The following APC2 variants were observed in gnomAD, a reference collection of about 807,000 sequenced individuals.
The protein encoded by APC2 is adenomatous polyposis coli protein 2.
Under a neutral mutation model 72.5 loss-of-function variants are expected in APC2, and 41 were observed. That is an observed-to-expected ratio of 0.57 (90% CI 0.44 to 0.73). The LOEUF (loss-of-function observed/expected upper bound fraction) is 0.73. Ranked by LOEUF, APC2 falls within the 30% of genes least tolerant of loss-of-function variation. The pLI is 0.00. For synonymous variants in APC2, 1,898 were observed against 1,612.0 expected, an observed-to-expected ratio of 1.18 and a Z score of -4.25; for missense variants, 3,729 against 3,403.4, an observed-to-expected ratio of 1.10 and a Z score of -2.38.
At chr19:1,446,342 G>A, upstream of APC2, 1 of 985,340 alleles carries the variant, frequency 1.0e-6, no homozygotes, top group Non-Finnish European at 1.2e-6. This position sits in a 1 kb window ranked among gnomAD's most constrained non-coding sequence, Gnocchi z 6.1. Flanking sequence ...CGGGGACCAG[G>A]TAGGGCGCGT....
Position 1,467,774 on chromosome 19 carries a change from G to A in APC2, c.4473G>A (p.Gly1491=), listed in dbSNP as rs113406504. 3.5e-3 allele frequency: 4,986 copies of A among 1,432,918 alleles called. 153 individuals carry two copies. In the African/African-American group the frequency reaches 0.066, roughly 19 times the overall value. 88.8% of individuals were successfully genotyped at this position (1,432,918 alleles called of 1,614,324 possible). Residue 1491 remains glycine, a synonymous_variant, in exon 15 of 15, where the codon GGG becomes GGA. Coordinates refer to ENST00000590469, the MANE Select transcript of APC2 (RefSeq NM_005883.3). ...AGCCCGGCCGGACCCGCGGGGACGG[G>A]GCGCTCCAGTCGCTGTGCCTCACGA... ...GSKPGRTRGD[G]ALQSLCLTTP...
chr19:1,455,603 T>C (rs939679940), intron 6 of APC2, 103 bp downstream of exon 6: 28 of 1,130,002 alleles, frequency 2.5e-5, no homozygotes, highest in Non-Finnish European at 2.8e-5. Context: ...ATGGGAGGAG[T>C]CTTATGCCTC....
Position 1,467,121 on chromosome 19 carries a change from T to C in APC2, c.3820T>C (p.Cys1274Arg). 6.3e-7 allele frequency: 1 copy of C among 1,595,644 alleles called. No homozygotes were observed. The highest frequency in any genetic ancestry group is 8.5e-7 in the Non-Finnish European group (1 of 1,170,768). ...TVEKPDENFS[C>R]ASSLSALALH... is the part of the protein sequence containing the mutation. ...GGAGAAGCCAGACGAGAACTTCTCG[T>C]GCGCCTCCAGCCTCAGCGCGCTGGC... Residue 1274 changes from cysteine (C) to arginine (R), a missense_variant, in exon 15 of 15, where the codon TGC (cysteine) becomes CGC (arginine). Cys to Arg is a radical substitution (Grantham distance 180). Transcript: ENST00000590469.
chr19:1,449,505 A>G (rs1192281793), upstream of APC2, among the ~76,000 whole-genome samples: 2 of 152,176 alleles, frequency 1.3e-5, no homozygotes, highest in African/African-American at 4.8e-5. Context: ...CAGAGAACAG[A>G]GGGGGAGACA....
rs986526362 is a variant in APC2, at chr19:1,466,208, T to G, written c.2907T>G (p.Leu969=). The change falls in exon 15 of 15, where the codon CTT becomes CTG. Residue 969 remains leucine, a synonymous_variant. Transcript: ENST00000590469. ...CGQPRPSRLD[L]DLPGCQAEPP... is the part of the protein sequence containing the mutation. ...AGCCTCGGCCCAGCCGGCTTGACCTTGACCTGCCCGGCTGCCAGGCCGAGC... is the reference window on the plus strand; with the variant it reads ...AGCCTCGGCCCAGCCGGCTTGACCTGGACCTGCCCGGCTGCCAGGCCGAGC... The G allele has an allele frequency of 6.4e-7, 1 of 1,556,624 alleles. No individual in the cohort carries two copies. The highest frequency in any genetic ancestry group is 8.6e-7 in the Non-Finnish European group (1 of 1,160,194).
In APC2 at chr19:1,466,325, C is replaced by T; in HGVS notation, c.3024C>T (p.Ala1008=). ...TYQHVPLLEG[A]SRAGAEPLAG... is the part of the protein sequence containing the mutation. ...AGCACGTGCCACTGCTTGAGGGTGC[C>T]TCAAGGGCGGGTGCAGAGCCCCTCG... is the stretch of plus-strand genomic sequence containing the variant. Residue 1008 remains alanine (A), a synonymous_variant, in exon 15 of 15, where the codon GCC becomes GCT. Transcript: ENST00000590469. 6 of 1,547,240 alleles carry T rather than the reference C, an allele frequency of 3.9e-6. No homozygotes were observed. The highest frequency in any genetic ancestry group is 1.2e-5 in the South Asian group (1 of 84,004).
chr19:1,446,351 G>A, upstream of APC2: 1 of 985,412 alleles, frequency 1.0e-6, no homozygotes, highest in Non-Finnish European at 1.2e-6. This position sits in a 1 kb window ranked among gnomAD's most constrained non-coding sequence, Gnocchi z 6.1. Flanking sequence ...GGTAGGGCGC[G>A]TGGGTCGAGC....
chr19:1,470,245 C>G lies in APC2; in HGVS notation c.*32C>G, dbSNP rs775881659. ...AGGCCGGCCTTCTGGAACGTTCTCT[C>G]CCGGCCCTGCGGCGCGGTCTGGCTG... is the stretch of plus-strand genomic sequence containing the variant. On this transcript the variant is annotated 3_prime_UTR_variant, in exon 15 of 15. Transcript: ENST00000590469. The G allele has an allele frequency of 7.1e-6, 11 of 1,539,588 alleles. No individual in the cohort carries two copies. The South Asian group carries it at 1.3e-4, about 18-fold the overall frequency.
Position 1,467,924 on chromosome 19 carries a change from T to C in APC2, c.4623T>C (p.Arg1541=), listed in dbSNP as rs747274641. 1 of 1,584,832 alleles carries C rather than the reference T, an allele frequency of 6.3e-7. No individual in the cohort carries two copies. Among genetic ancestry groups the C allele is most frequent in the Admixed American group, 1.7e-5 (1 of 59,162 alleles). Residue 1541 remains arginine, a synonymous_variant, in exon 15 of 15, where the codon CGT becomes CGC. Coordinates refer to ENST00000590469, the MANE Select transcript of APC2 (RefSeq NM_005883.3). ...TCCCTCGCGCTTTTACGCGGGAGCG[T>C]CCGCAGGGCCGGAAGGAGGCCCCTG... ...SAIPRAFTRE[R]PQGRKEAPAP...
At chr19:1,455,611 C>T (rs1244515978) in intron 6 of APC2, 111 bp downstream of exon 6, 12 of 1,079,014 alleles carry the variant, frequency 1.1e-5, no homozygotes, top group Non-Finnish European at 1.6e-5. Context: ...AGTCTTATGC[C>T]TCCTGGGTTG....
At position 1,470,102 on chromosome 19, in the gene APC2, G is replaced by A. The variant is rs978681269; in HGVS notation, c.6801G>A (p.Ser2267=). 5.0e-6 allele frequency: 8 copies of A among 1,604,816 alleles called. No homozygotes were observed. The African/African-American group carries it at 8.1e-5, about 16-fold the overall frequency. ...GCCGGCACGGCTCCCCCAGCCGCTC[G>A]GCCCGAGTACCCCCCTTCAACTATG... ...PASRHGSPSR[S]ARVPPFNYVP... Residue 2267 remains serine, a synonymous_variant, in exon 15 of 15, where the codon TCG becomes TCA. Transcript: ENST00000590469.
At chr19:1,446,340 A>G, upstream of APC2, 1 of 985,018 alleles carries the variant, frequency 1.0e-6, no homozygotes, top group South Asian at 4.7e-5. The surrounding 1 kb of genome is among the most constrained non-coding windows in gnomAD (Gnocchi z 6.1). Context: ...TTCGGGGACC[A>G]GGTAGGGCGC....
At chr19:1,457,437 A>G (rs1426404206) in intron 9 of APC2, 194 bp downstream of exon 9, 3 of 775,286 alleles carry the variant, frequency 3.9e-6, no homozygotes, top group Non-Finnish European at 5.8e-6. Context: ...TACCTGGCGC[A>G]GAGTAAACGC....
intron 10 of APC2, among the ~76,000 whole-genome samples, chr19:1,459,555 C>G (rs1479528943): frequency 6.6e-6 from 1 of 152,234 alleles, no homozygotes; most frequent in Non-Finnish European, 1.5e-5. Flanking sequence ...ATGTCCCTAA[C>G]TCACTTCCCC....
rs1229503427 is a variant in APC2, at chr19:1,466,570, T to C, written c.3269T>C (p.Leu1090Pro). Residue 1090 changes from leucine (L) to proline (P), a missense_variant, in exon 15 of 15, where the codon CTG becomes CCG. Physicochemically the swap from Leu to Pro is moderately conservative, Grantham distance 98 (BLOSUM62 -3). Coordinates refer to ENST00000590469, the MANE Select transcript of APC2 (RefSeq NM_005883.3). ...CCAGGCCCCAGCGAGGGTGGTGACC[T>C]GGATGACAGTGACTCCTCCCTGGAG... ...GRPGPSEGGD[L>P]DDSDSSLEGL... 6.3e-7 allele frequency: 1 copy of C among 1,577,416 alleles called. No individual in the cohort carries two copies. Among genetic ancestry groups the C allele is most frequent in the Non-Finnish European group, 8.6e-7 (1 of 1,169,298 alleles).
At chr19:1,461,302 ACTC>A (rs1337277439) in intron 13 of APC2, 149 bp downstream of exon 13, 4 of 688,082 alleles carry the variant, frequency 5.8e-6, no homozygotes, top group Non-Finnish European at 1.0e-5. Flanking sequence ...GCTGGGGCTC[ACTC>A]CTCATGTCAC....
chr19:1,459,195 T>C (rs79072826), intron 10 of APC2, among the ~76,000 whole-genome samples: 19 of 152,104 alleles, frequency 1.2e-4, no homozygotes, highest in African/African-American at 3.4e-4. Context: ...CATAGTCTGT[T>C]TGTTTCAGAG....
chr19:1,462,655 C>CAA (rs34103912), intron 14 of APC2, among the ~76,000 whole-genome samples: 869 of 24,896 alleles, frequency 0.035, 113 homozygotes, highest in African/African-American at 0.1. Flanking sequence ...AACTTCATCT[C>CAA]AAAAAAAAAA....
rs1241163105 is a variant in APC2 at position 1,466,353 on chromosome 19, G to A, written c.3052G>A (p.Gly1018Arg). The A allele has an allele frequency of 4.5e-6, 7 of 1,563,904 alleles. No individual in the cohort carries two copies. The highest frequency in any genetic ancestry group is 5.2e-6 in the Non-Finnish European group (6 of 1,157,978). Reference sequence around the variant, plus strand: ...AAGGGCGGGTGCAGAGCCCCTCGCGGGGCCTGGAATCTCTCCAGGGGCCCG... The same window carrying A: ...AAGGGCGGGTGCAGAGCCCCTCGCGAGGCCTGGAATCTCTCCAGGGGCCCG... ...ASRAGAEPLA[G>R]PGISPGARKQ... The change falls in exon 15 of 15, where the codon GGG (glycine) becomes AGG (arginine). Residue 1018 changes from glycine (G) to arginine (R), a missense_variant. Coordinates refer to ENST00000590469, the MANE Select transcript of APC2 (RefSeq NM_005883.3).
Sources: gnomAD v4.1 joint callset for allele counts (sites outside exome capture counted in the v4.1 genomes callset) on GRCh38, gnomAD v4.1.1 for gene constraint, Gnocchi (gnomAD v3.1) non-coding constraint, MANE v1.5 for transcripts, NCBI Gene and HGNC (gene_info 2026-07-23, HGNC 2026-07-21) for gene names.